GMEB1: variants seen among roughly 807,000 people sequenced by gnomAD.
GMEB1 encodes glucocorticoid modulatory element binding protein 1.
Under a neutral mutation model 52.4 loss-of-function variants are expected in GMEB1, and 6 were observed. That is an observed-to-expected ratio of 0.11 (90% CI 0.06 to 0.23). The LOEUF (loss-of-function observed/expected upper bound fraction) is 0.23. Among genes scored for constraint, GMEB1 ranks in the 10% least tolerant of loss-of-function variants. GMEB1 has a pLI of 1.00. For synonymous variants in GMEB1, 255 were observed against 244.9 expected, an observed-to-expected ratio of 1.04 and a Z score of -0.38; for missense variants, 486 against 685.6, an observed-to-expected ratio of 0.71 and a Z score of 3.25.
intron 9 of GMEB1, among the ~76,000 whole-genome samples, chr1:28,712,194 T>C (rs1671088010): frequency 6.6e-6 from 1 of 152,122 alleles, no homozygotes; most frequent in Non-Finnish European, 1.5e-5. Context: ...AGGATACAGA[T>C]GAATAACCAG....
chr1:28,691,109 G>A (rs1669943301), intron 3 of GMEB1, among the ~76,000 whole-genome samples: 1 of 152,088 alleles, frequency 6.6e-6, no homozygotes, highest in Non-Finnish European at 1.5e-5. Flanking sequence ...TGGCCAAGAT[G>A]GTGAAACCCT....
intron 6 of GMEB1, among the ~76,000 whole-genome samples, chr1:28,701,405 G>T (rs1481202958): frequency 6.7e-6 from 1 of 150,252 alleles, no homozygotes; most frequent in African/African-American, 2.4e-5. Flanking sequence ...GAGTAGCTGG[G>T]ACTACAGGCA....
Position 28,678,299 on chromosome 1 carries a change from T to TTTTG in GMEB1, c.-30-5260_-30-5257dup, listed in dbSNP as rs536317062. Among the ~76,000 whole-genome samples the TTTTG allele has an allele frequency of 4.4e-3, 661 of 151,448 alleles. 3 individuals are homozygous for TTTTG. The highest frequency in any genetic ancestry group is 0.014 in the African/African-American group (574 of 40,948). On this transcript the variant is annotated intron_variant, in intron 1 of 9. Transcript: ENST00000373816. ...GACCCTTGATTTTCTTTTCTAGTGT[T>TTTTG]TTTGTTTGTTTGTTTGTTTGTTTGT... is the stretch of plus-strand genomic sequence containing the variant.
chr1:28,701,268 C>CTTTTTTTTTTTTTTTT (rs67909525), intron 6 of GMEB1, among the ~76,000 whole-genome samples: 2 of 109,836 alleles, frequency 1.8e-5, no homozygotes, highest in Non-Finnish European at 3.5e-5. Flanking sequence ...TAAAAGCTGT[C>CTTTTTTTTTTTTTTTT]TTTTTTTTTT....
chr1:28,711,345 AT>A (rs1352673325), intron 9 of GMEB1, among the ~76,000 whole-genome samples: 3 of 152,050 alleles, frequency 2.0e-5, no homozygotes, highest in African/African-American at 7.2e-5. Context: ...TTTGTTAGAA[AT>A]ACAGGCTTTT....
At chr1:28,671,186 T>A (rs1487472724) in intron 1 of GMEB1, among the ~76,000 whole-genome samples, 1 of 152,208 alleles carries the variant, frequency 6.6e-6, no homozygotes, top group African/African-American at 2.4e-5. Context: ...TCAAGGAGTT[T>A]TGGCCTCAAG....
intron 9 of GMEB1, among the ~76,000 whole-genome samples, chr1:28,713,577 A>G (rs1671159111): frequency 6.6e-6 from 1 of 152,236 alleles, no homozygotes; most frequent in Non-Finnish European, 1.5e-5. Context: ...GACTTCTTCT[A>G]TAACTTTCTG....
intron 3 of GMEB1, 77 bp downstream of exon 3, chr1:28,690,263 G>GTTTTCT (rs916391701): frequency 3.0e-6 from 2 of 659,472 alleles, no homozygotes; most frequent in African/African-American, 4.2e-5. Flanking sequence ...CCTTGGTTGA[G>GTTTTCT]TTTTCTTGCC....
Position 28,716,868 on chromosome 1 carries a change from G to A in GMEB1, c.*2095G>A, listed in dbSNP as rs1476322508. On this transcript the variant is annotated 3_prime_UTR_variant, in exon 10 of 10. Transcript: ENST00000373816. The stretch of plus-strand genomic sequence containing the variant: ...AGTGTTTGGGGCAAGAGTGGACCCT[G>A]GTTTTTATTTCTTTGATTGCATTGT... 1 of 151,864 alleles carries A rather than the reference G, an allele frequency of 6.6e-6. No individual in the cohort carries two copies. Among genetic ancestry groups the A allele is most frequent in the Admixed American group, 6.6e-5 (1 of 15,214 alleles). 9.4% of individuals were successfully genotyped at this position (151,864 alleles called of 1,614,324 possible).
intron 9 of GMEB1, among the ~76,000 whole-genome samples, chr1:28,711,286 CAA>C (rs372935027): frequency 7.3e-5 from 6 of 82,716 alleles, no homozygotes; most frequent in African/African-American, 8.6e-5. Flanking sequence ...GACTCTGTCT[CAA>C]AAAAAAAAAA....
At chr1:28,684,924 A>T (rs1051897010) in intron 2 of GMEB1, among the ~76,000 whole-genome samples, 56 of 152,348 alleles carry the variant, frequency 3.7e-4, no homozygotes, top group Admixed American at 3.3e-4. Flanking sequence ...AATCTTCAGC[A>T]TAACCATGAA....
At chr1:28,707,984 A>G (rs556151152) in intron 8 of GMEB1, among the ~76,000 whole-genome samples, 49 of 151,658 alleles carry the variant, frequency 3.2e-4, no homozygotes, top group Non-Finnish European at 6.6e-4. Context: ...CTGCAGCCTC[A>G]ACCACCTGGG....
chr1:28,700,684 C>CAAA (rs760383155), intron 6 of GMEB1, among the ~76,000 whole-genome samples: 2 of 104,210 alleles, frequency 1.9e-5, no homozygotes, highest in East Asian at 2.7e-4. Context: ...GACTCTGTCT[C>CAAA]AAAAAAAAAA....
intron 1 of GMEB1, among the ~76,000 whole-genome samples, chr1:28,681,860 G>A (rs1033794091): frequency 8.5e-5 from 13 of 152,054 alleles, no homozygotes; most frequent in Admixed American, 3.9e-4. Flanking sequence ...GTACCACCGC[G>A]CCAGGCCAAT....
At chr1:28,702,876 C>G (rs1354401191) in intron 7 of GMEB1, among the ~76,000 whole-genome samples, 1 of 151,926 alleles carries the variant, frequency 6.6e-6, no homozygotes, top group Non-Finnish European at 1.5e-5. Flanking sequence ...ACAGTGAAAC[C>G]CCGTCTCTAC....
At chr1:28,703,994 G>A (rs1212294724) in intron 7 of GMEB1, among the ~76,000 whole-genome samples, 198 bp from the exon 8 acceptor site, 2 of 152,038 alleles carry the variant, frequency 1.3e-5, no homozygotes, top group South Asian at 2.1e-4. Context: ...AAGCACCTAT[G>A]CTGCTGAAGG....
chr1:28,682,140 C>G (rs1011039552), intron 1 of GMEB1, among the ~76,000 whole-genome samples: 2 of 152,158 alleles, frequency 1.3e-5, no homozygotes, highest in African/African-American at 4.8e-5. Context: ...GTGACTCTCT[C>G]TTTTCAACTG....
In GMEB1 at chr1:28,698,698, C is replaced by G. The variant is rs575971267; in HGVS notation, c.598+1614C>G. Among the ~76,000 whole-genome samples, 9 of 146,114 alleles carry G rather than the reference C, an allele frequency of 6.2e-5. No individual in the cohort carries two copies. The South Asian group carries it at 2.0e-3, about 32-fold the overall frequency. ...TCAAAAAAAAAAAAAAAGAAAAATG[C>G]TTTGCAGCTGTGCTTTGGCTCACGC... On this transcript the variant is annotated intron_variant, in intron 6 of 9. Transcript: ENST00000373816.
At chr1:28,703,263 G>A (rs1474045888) in intron 7 of GMEB1, among the ~76,000 whole-genome samples, 1 of 152,098 alleles carries the variant, frequency 6.6e-6, no homozygotes, top group Non-Finnish European at 1.5e-5. Context: ...TCACTTAGAG[G>A]GGACCAGGAG....
Sources: gnomAD v4.1 joint callset for allele counts (sites outside exome capture counted in the v4.1 genomes callset) on GRCh38, gnomAD v4.1.1 for gene constraint, MANE v1.5 for transcripts, NCBI Gene and HGNC (gene_info 2026-07-23, HGNC 2026-07-21) for gene names.